The following VWA3B variants were observed in gnomAD, a reference collection of about 807,000 sequenced individuals.
VWA3B encodes the protein von Willebrand factor A domain containing 3B.
A neutral mutation model predicts 158.3 loss-of-function variants in VWA3B; 138 were observed. The observed-to-expected ratio is 0.87, with a 90% confidence interval of 0.76 to 1.00. The LOEUF (loss-of-function observed/expected upper bound fraction) is 1.00. VWA3B is among the 50% of genes least tolerant of loss of function. The pLI is 0.00. For synonymous variants in VWA3B, 596 were observed against 587.3 expected (o/e 1.01, Z -0.21); for missense variants, 1,555 against 1,565.1 (o/e 0.99, Z 0.11).
intron 13 of VWA3B, chr2:98,216,939 G>C (rs1346547479): frequency 7.7e-7 from 1 of 1,301,340 alleles, no homozygotes; most frequent in East Asian, 5.6e-5. Flanking sequence ...TACAGCTGAA[G>C]ACAGCATGAG....
rs1681856882 is a variant in VWA3B at position 98,194,414 on chromosome 2, A to C, written c.1659A>C (p.Ala553=). The change falls in exon 12 of 28, where the codon GCA becomes GCC. Residue 553 remains alanine, a synonymous_variant. Transcript: ENST00000477737. ...KFNFVKFDGQ[A]VAWREQLAEV... ...ACTTTGTGAAGTTTGATGGTCAAGC[A>C]GTTGCTTGGCGGGAACAACTTGCTG... 5 of 1,614,038 alleles carry C rather than the reference A, an allele frequency of 3.1e-6. No homozygotes were observed. In the African/African-American group the frequency reaches 6.7e-5, roughly 22 times the overall value.
intron 14 of VWA3B, among the ~76,000 whole-genome samples, chr2:98,221,755 C>A (rs1382889852): frequency 6.6e-6 from 1 of 152,114 alleles, no homozygotes; most frequent in East Asian, 1.9e-4. Context: ...TGCTCTGAGT[C>A]CCTCACCAGG....
chr2:98,092,629 C>T (rs1231298421), intron 1 of VWA3B, among the ~76,000 whole-genome samples: 4 of 151,552 alleles, frequency 2.6e-5, no homozygotes, highest in Non-Finnish European at 5.9e-5. Context: ...GGCAACAGAG[C>T]GAGACTCCTT....
chr2:98,154,769 A>G (rs1037528849), intron 7 of VWA3B, among the ~76,000 whole-genome samples: 1 of 152,250 alleles, frequency 6.6e-6, no homozygotes, highest in African/African-American at 2.4e-5. Flanking sequence ...TTGAATTGCC[A>G]GGGAAAAGAG....
intron 19 of VWA3B, among the ~76,000 whole-genome samples, chr2:98,247,897 A>G (rs960875702): frequency 6.6e-6 from 1 of 152,028 alleles, no homozygotes; most frequent in Non-Finnish European, 1.5e-5. Context: ...TAAAATGTCT[A>G]TTAATATATA....
At chr2:98,302,700 T>C (rs924012680) in intron 25 of VWA3B, among the ~76,000 whole-genome samples, 2 of 152,152 alleles carry the variant, frequency 1.3e-5, no homozygotes, top group Non-Finnish European at 2.9e-5. Flanking sequence ...CCTGGTGTGT[T>C]GAGTAGGCAT....
intron 9 of VWA3B, among the ~76,000 whole-genome samples, chr2:98,185,255 G>C (rs1395589720): frequency 6.6e-6 from 1 of 152,122 alleles, no homozygotes; most frequent in Non-Finnish European, 1.5e-5. Context: ...GGATATAAAA[G>C]TTACTGTTTC....
intron 8 of VWA3B, among the ~76,000 whole-genome samples, chr2:98,172,472 G>T (rs1441085871): frequency 6.6e-6 from 1 of 152,214 alleles, no homozygotes; most frequent in East Asian, 1.9e-4. Flanking sequence ...TGCACAGAAT[G>T]GGGGCGTGAC....
Position 98,303,421 on chromosome 2 carries a change from G to GGTGTGTGTGTGTGT in VWA3B, c.3421-258_3421-245dup, listed in dbSNP as rs58157632. 1.1e-3 allele frequency among the ~76,000 whole-genome samples: 157 copies of GGTGTGTGTGTGTGT among 146,644 alleles called. 1 individual carries two copies. The highest frequency in any genetic ancestry group is 3.7e-3 in the African/African-American group (146 of 39,550). ...ATAGAAAGGAAGGTGGTTATGTGAA[G>GGTGTGTGTGTGTGT]GTGTGTGTGTGTGTGTGTGTGTGTG... On this transcript the variant is annotated intron_variant, in intron 25 of 27. Coordinates refer to ENST00000477737, the MANE Select transcript of VWA3B (RefSeq NM_144992.5).
the VWA3B span, among the ~76,000 whole-genome samples, chr2:98,325,924 C>T: frequency 3.3e-5 from 5 of 152,150 alleles, no homozygotes; most frequent in African/African-American, 1.2e-4. Context: ...CCAAGTCAGT[C>T]CATGTGCTTG....
chr2:98,254,247 A>C (rs926524744), intron 20 of VWA3B, among the ~76,000 whole-genome samples: 2 of 152,114 alleles, frequency 1.3e-5, no homozygotes, highest in African/African-American at 4.8e-5. Flanking sequence ...AACAGTTTCC[A>C]AAAGCTACGT....
intron 19 of VWA3B, 105 bp from the exon 20 acceptor site, chr2:98,250,213 T>C (rs1269150637): frequency 1.3e-6 from 1 of 780,438 alleles, no homozygotes; most frequent in Non-Finnish European, 2.1e-6. Context: ...GTATATTGAC[T>C]TTATAGTCAG....
chr2:98,172,553 A>G (rs1558633157), intron 8 of VWA3B, among the ~76,000 whole-genome samples: 4 of 152,158 alleles, frequency 2.6e-5, no homozygotes, highest in Non-Finnish European at 5.9e-5. Context: ...ACCTAGGTCC[A>G]TGGGGGTGGA....
chr2:98,270,579 G>C, intron 21 of VWA3B, 103 bp from the exon 22 acceptor site: 1 of 1,199,274 alleles, frequency 8.3e-7, no homozygotes, highest in African/African-American at 1.5e-5. Context: ...TTTCTCAGGG[G>C]AGAATTTCTT....
chr2:98,152,664 A>C (rs1677733958), intron 7 of VWA3B, among the ~76,000 whole-genome samples: 1 of 152,218 alleles, frequency 6.6e-6, no homozygotes, highest in Non-Finnish European at 1.5e-5. Context: ...ATTAGAGTAA[A>C]CATCTTCCCT....
At chr2:98,121,235 G>A (rs891081970) in intron 4 of VWA3B, 64 bp from the exon 5 acceptor site, 24 of 1,559,314 alleles carry the variant, frequency 1.5e-5, no homozygotes, top group African/African-American at 8.1e-5. Flanking sequence ...GCTGTGAGAC[G>A]GAGGTTTGGC....
chr2:98,168,573 T>A (rs181927034), intron 8 of VWA3B, among the ~76,000 whole-genome samples: 43 of 152,282 alleles, frequency 2.8e-4, no homozygotes, highest in Non-Finnish European at 4.0e-4. Context: ...ACTGAACTTT[T>A]AGAGACAAGA....
chr2:98,303,753 C>G lies in VWA3B; in HGVS notation c.3472C>G (p.Leu1158Val). Residue 1158 changes from leucine to valine, a missense_variant, in exon 26 of 28, where the codon CTC becomes GTC. By Grantham distance (32) the Leu-to-Val change is conservative (BLOSUM62 1). Coordinates refer to ENST00000477737, the MANE Select transcript of VWA3B (RefSeq NM_144992.5). ...LIKISQNKYA[L>V]SCSHIKSPPI... Reference sequence around the variant, plus strand: ...TAAGATCAGCCAAAACAAGTATGCGCTCTCTTGCTCTCATATAAAGTCACC... The same window carrying G: ...TAAGATCAGCCAAAACAAGTATGCGGTCTCTTGCTCTCATATAAAGTCACC... 2 of 1,614,162 alleles carry G rather than the reference C, an allele frequency of 1.2e-6. No individual in the cohort carries two copies. The highest frequency in any genetic ancestry group is 1.7e-6 in the Non-Finnish European group (2 of 1,180,020).
chr2:98,127,540 G>A (rs372687759), intron 5 of VWA3B, among the ~76,000 whole-genome samples: 71 of 142,506 alleles, frequency 5.0e-4, no homozygotes, highest in African/African-American at 1.7e-3. Context: ...ACTGGGGGAG[G>A]TGTGCATCTT....
Sources: allele counts gnomAD v4.1 joint callset (sites outside exome capture counted in the v4.1 genomes callset), GRCh38; gene constraint gnomAD v4.1.1; transcripts MANE v1.5; gene names NCBI Gene and HGNC (gene_info 2026-07-23, HGNC 2026-07-21).